The following ARHGAP24 variants were observed in gnomAD, a reference collection of about 807,000 sequenced individuals.
ARHGAP24 encodes the protein rho GTPase-activating protein 24.
Under a neutral mutation model 76.4 loss-of-function variants are expected in ARHGAP24, and 50 were observed. The ratio of observed to expected loss-of-function variants is 0.65; its 90% confidence interval spans 0.52 to 0.83. The LOEUF is 0.83. Ranked by LOEUF, ARHGAP24 falls within the 40% of genes least tolerant of loss-of-function variation. ARHGAP24 has a pLI of 0.00. For missense variants in ARHGAP24, 930 were observed against 914.2 expected, an observed-to-expected ratio of 1.02 and a Z score of -0.22; for synonymous variants, 345 against 323.3, an observed-to-expected ratio of 1.07 and a Z score of -0.72.
intron 3 of ARHGAP24, among the ~76,000 whole-genome samples, chr4:85,868,990 T>TTA (rs1732368241): frequency 6.6e-6 from 1 of 152,120 alleles, no homozygotes; most frequent in African/African-American, 2.4e-5. Context: ...TCTATCATAC[T>TTA]TGTATATCTT....
At position 85,963,849 on chromosome 4, in the gene ARHGAP24, T is replaced by G. The variant is rs114423917; in HGVS notation, c.600-8187T>G. Among the ~76,000 whole-genome samples, 434 of 152,272 alleles carry G rather than the reference T, an allele frequency of 2.9e-3. 3 individuals are homozygous for G. The highest frequency in any genetic ancestry group is 0.01 in the African/African-American group (418 of 41,562). ...TCAAAAGCTATACAACAATTCATTT[T>G]GTTTGTTATTTATATTTAGTACTGA... is the stretch of plus-strand genomic sequence containing the variant. On this transcript the variant is annotated intron_variant, in intron 5 of 9. Coordinates refer to ENST00000395184, the MANE Select transcript of ARHGAP24 (RefSeq NM_001025616.3).
chr4:85,898,884 C>G (rs979463611), intron 3 of ARHGAP24, among the ~76,000 whole-genome samples: 1 of 152,122 alleles, frequency 6.6e-6, no homozygotes, highest in Admixed American at 6.5e-5. Flanking sequence ...GCTGGGATTA[C>G]AGGTGTCCAC....
intron 8 of ARHGAP24, among the ~76,000 whole-genome samples, chr4:85,980,308 G>A (rs1051363383): frequency 2.6e-5 from 4 of 152,268 alleles, no homozygotes; most frequent in Admixed American, 1.3e-4. Flanking sequence ...TGCCTCACAA[G>A]TTCACATTAG....
chr4:85,917,312 T>C (rs1170680852), intron 3 of ARHGAP24, among the ~76,000 whole-genome samples: 20 of 151,940 alleles, frequency 1.3e-4, no homozygotes, highest in African/African-American at 4.4e-4. Flanking sequence ...CAGTCTATCA[T>C]TGTTGAACAT....
At chr4:85,507,757 T>C (rs189020014) in intron 1 of ARHGAP24, among the ~76,000 whole-genome samples, 24 of 152,330 alleles carry the variant, frequency 1.6e-4, no homozygotes, top group African/African-American at 5.8e-4. Flanking sequence ...AAGATTTCAT[T>C]ATTACTTGTA....
chr4:85,939,684 C>G (rs1179403238), intron 4 of ARHGAP24, among the ~76,000 whole-genome samples: 1 of 152,030 alleles, frequency 6.6e-6, no homozygotes, highest in Non-Finnish European at 1.5e-5. Flanking sequence ...CTTTCTTCAT[C>G]GCTTCCTTGG....
intron 1 of ARHGAP24, among the ~76,000 whole-genome samples, chr4:85,563,754 T>A (rs750701188): frequency 6.6e-6 from 1 of 152,066 alleles, no homozygotes; most frequent in Non-Finnish European, 1.5e-5. Context: ...AGTTGGAAAA[T>A]GGACAAAGGA....
At chr4:85,664,897 A>T (rs895852538) in intron 2 of ARHGAP24, among the ~76,000 whole-genome samples, 26 of 151,916 alleles carry the variant, frequency 1.7e-4, no homozygotes, top group Middle Eastern at 3.4e-3. Context: ...ATAATTTCTG[A>T]TCTTTTACAT....
intron 3 of ARHGAP24, among the ~76,000 whole-genome samples, chr4:85,910,712 T>G (rs1263687321): frequency 6.6e-6 from 1 of 152,126 alleles, no homozygotes; most frequent in Non-Finnish European, 1.5e-5. Context: ...CATCATCTGC[T>G]CAGCTCTGGC....
intron 2 of ARHGAP24, among the ~76,000 whole-genome samples, chr4:85,682,827 T>C (rs1723258170): frequency 6.6e-6 from 1 of 152,146 alleles, no homozygotes; most frequent in South Asian, 2.1e-4. Flanking sequence ...GAGGGAACTT[T>C]CTTTGGAGAA....
chr4:85,659,161 A>G (rs1254063574), intron 2 of ARHGAP24, among the ~76,000 whole-genome samples: 1 of 152,166 alleles, frequency 6.6e-6, no homozygotes, highest in Non-Finnish European at 1.5e-5. Flanking sequence ...GAAGCATATA[A>G]TGCTGTTCTC....
At chr4:85,705,270 T>A (rs1388404036) in intron 2 of ARHGAP24, among the ~76,000 whole-genome samples, 1 of 152,116 alleles carries the variant, frequency 6.6e-6, no homozygotes, top group Non-Finnish European at 1.5e-5. Context: ...TTATAAAGTA[T>A]TAAAATTTAC....
chr4:85,901,626 G>A (rs1383116179), intron 3 of ARHGAP24, among the ~76,000 whole-genome samples: 1 of 152,074 alleles, frequency 6.6e-6, no homozygotes, highest in Admixed American at 6.6e-5. Context: ...ATCATACATG[G>A]GAAAGTTGCT....
Position 85,948,054 on chromosome 4 carries a change from A to T in ARHGAP24, c.599+5781A>T, listed in dbSNP as rs569514602. ...ATCAGAAAACAAATTTCAAGACTGC[A>T]AATATACTTTTTGCTGAGGAGCTAC... is the stretch of plus-strand genomic sequence containing the variant. On this transcript the variant is annotated intron_variant, in intron 5 of 9. Coordinates refer to ENST00000395184, the MANE Select transcript of ARHGAP24 (RefSeq NM_001025616.3). 3.9e-5 allele frequency among the ~76,000 whole-genome samples: 6 copies of T among 152,326 alleles called. No homozygotes were observed. The South Asian group carries it at 8.3e-4, about 21-fold the overall frequency.
At chr4:85,830,678 C>G (rs1729949959) in intron 3 of ARHGAP24, among the ~76,000 whole-genome samples, 1 of 152,186 alleles carries the variant, frequency 6.6e-6, no homozygotes, top group Non-Finnish European at 1.5e-5. Context: ...CTTTTAACTA[C>G]TATTACTTCT....
At chr4:85,884,148 T>G (rs765389701) in intron 3 of ARHGAP24, among the ~76,000 whole-genome samples, 14 of 152,232 alleles carry the variant, frequency 9.2e-5, no homozygotes, top group Non-Finnish European at 1.5e-4. Flanking sequence ...CACTCTCAAC[T>G]GCTCCAATCA....
chr4:85,997,659 T>A (rs1203414155), intron 9 of ARHGAP24, among the ~76,000 whole-genome samples: 1 of 152,132 alleles, frequency 6.6e-6, no homozygotes, highest in African/African-American at 2.4e-5. Flanking sequence ...TATTTTTTTT[T>A]ATGTTTTATT....
chr4:85,499,585 G>A (rs1723718552), intron 1 of ARHGAP24, among the ~76,000 whole-genome samples: 1 of 152,246 alleles, frequency 6.6e-6, no homozygotes. Context: ...CTAGCCTGCA[G>A]CCTTGGTGGG....
chr4:85,576,150 C>G (rs1039137011), intron 2 of ARHGAP24, among the ~76,000 whole-genome samples: 19 of 152,234 alleles, frequency 1.2e-4, no homozygotes, highest in Non-Finnish European at 2.2e-4. Flanking sequence ...AAGCTCTAGG[C>G]TGGGCGCAGT....
Sources: gnomAD v4.1 joint callset for allele counts (sites outside exome capture counted in the v4.1 genomes callset) on GRCh38, gnomAD v4.1.1 for gene constraint, MANE v1.5 for transcripts, NCBI Gene and HGNC (gene_info 2026-07-23, HGNC 2026-07-21) for gene names.